Variants in SNX6 observed in about 807,000 individuals in gnomAD.
SNX6 encodes sorting nexin 6, also known as sorting nexin-6.
SNX6 carries 34 observed loss-of-function variants against 63.0 expected under a neutral mutation model. That is an observed-to-expected ratio of 0.54 (90% CI 0.41 to 0.72). SNX6 has a LOEUF of 0.72. SNX6 is among the 30% of genes least tolerant of loss of function. The pLI, the probability that SNX6 is intolerant of heterozygous loss-of-function variation, is 0.00. For missense variants in SNX6, 398 were observed against 471.4 expected (o/e 0.84, Z 1.44); for synonymous variants, 170 against 164.2 (o/e 1.04, Z -0.27).
chr14:34,567,202 AC>A lies in SNX6; in HGVS notation c.1167+483del, dbSNP rs1298412724. Among the ~76,000 whole-genome samples the A allele has an allele frequency of 6.0e-5, 9 of 150,622 alleles. No homozygotes were observed. In the East Asian group the frequency reaches 1.8e-3, roughly 30 times the overall value. ...ACAAAACAAAACAAAAAAGCCCCAG[AC>A]TAGCCGGGTACGGTGGCTCGTGTCT... On this transcript the variant is annotated intron_variant, in intron 13 of 13. Transcript: ENST00000362031.
intron 2 of SNX6, among the ~76,000 whole-genome samples, chr14:34,628,405 G>A (rs1458016256): frequency 6.6e-6 from 1 of 152,200 alleles, no homozygotes; most frequent in African/African-American, 2.4e-5. Flanking sequence ...CTTGCAGTGA[G>A]CCAAGATAGC....
Position 34,603,422 on chromosome 14 carries a change from G to C in SNX6, c.442C>G (p.Leu148Val). 2 of 1,608,178 alleles carry C rather than the reference G, an allele frequency of 1.2e-6. No individual in the cohort carries two copies. Among genetic ancestry groups the C allele is most frequent in the Non-Finnish European group, 1.7e-6 (2 of 1,176,918 alleles). The change falls in exon 6 of 14, where the codon CTG (leucine) becomes GTG (valine). Residue 148 changes from leucine (L) to valine (V), a missense_variant. Coordinates refer to ENST00000362031, the MANE Select transcript of SNX6 (RefSeq NM_152233.4). Reference sequence around the variant, plus strand: ...ATAGGATGTGCTGCCACACGACACAGGAACACTTCATGCATCGCAACTGTC... The same window carrying C: ...ATAGGATGTGCTGCCACACGACACACGAACACTTCATGCATCGCAACTGTC... ...KKTVAMHEVF[L>V]CRVAAHPILR...
chr14:34,592,889 G>C (rs575590832), intron 8 of SNX6, among the ~76,000 whole-genome samples, 156 bp downstream of exon 8: 3 of 152,244 alleles, frequency 2.0e-5, no homozygotes, highest in Middle Eastern at 3.4e-3. Context: ...AAATAGTTTT[G>C]ACCTCACAGG....
At chr14:34,624,254 T>C (rs1172043263) in intron 2 of SNX6, among the ~76,000 whole-genome samples, 2 of 151,978 alleles carry the variant, frequency 1.3e-5, no homozygotes, top group East Asian at 1.9e-4. Flanking sequence ...GCACCAGCCA[T>C]CACGCCCGGC....
At chr14:34,601,325 A>C (rs1459952891) in intron 6 of SNX6, among the ~76,000 whole-genome samples, 1 of 150,904 alleles carries the variant, frequency 6.6e-6, no homozygotes, top group Non-Finnish European at 1.5e-5. Flanking sequence ...TCCCGGGGTC[A>C]AGCGATTCTC....
intron 9 of SNX6, among the ~76,000 whole-genome samples, chr14:34,583,759 T>G (rs77284535): frequency 0.097 from 14,716 of 152,202 alleles, 1,057 homozygotes; most frequent in African/African-American, 0.21. Flanking sequence ...TCAAAAGAAC[T>G]TGCTTTGACA....
At chr14:34,626,133 G>T (rs1883815975) in intron 2 of SNX6, among the ~76,000 whole-genome samples, 1 of 152,098 alleles carries the variant, frequency 6.6e-6, no homozygotes, top group Non-Finnish European at 1.5e-5. Context: ...CAATGATTAT[G>T]CTGTGCCCAC....
Position 34,603,336 on chromosome 14 carries a change from T to C in SNX6, c.516+12A>G, listed in dbSNP as rs1882897945. On this transcript the variant is annotated intron_variant, in intron 6 of 13. Coordinates refer to ENST00000362031, the MANE Select transcript of SNX6 (RefSeq NM_152233.4). ...AAAAGAAAACTTGACCACCAATCAA[T>C]GTGATACTCACATCTTGATTATATT... 1 of 1,583,498 alleles carries C rather than the reference T, an allele frequency of 6.3e-7. No individual in the cohort carries two copies. The highest frequency in any genetic ancestry group is 2.2e-5 in the East Asian group (1 of 44,600).
At chr14:34,583,802 CT>C (rs1882040457) in intron 9 of SNX6, among the ~76,000 whole-genome samples, 1 of 149,718 alleles carries the variant, frequency 6.7e-6, no homozygotes, top group East Asian at 2.0e-4. Context: ...GCAAGGTTGA[CT>C]TTTTTCCTTC....
intron 2 of SNX6, among the ~76,000 whole-genome samples, chr14:34,618,149 T>C (rs553126523): frequency 3.3e-5 from 5 of 152,274 alleles, no homozygotes; most frequent in African/African-American, 9.6e-5. Flanking sequence ...ACTTCAGCCC[T>C]TGCCCCTCAT....
Position 34,627,415 on chromosome 14 carries a change from C to A in SNX6, c.54+2492G>T, listed in dbSNP as rs1044854213. Among the ~76,000 whole-genome samples the A allele has an allele frequency of 1.7e-4, 26 of 151,410 alleles. 1 individual carries two copies. The highest frequency in any genetic ancestry group is 6.3e-4 in the African/African-American group (26 of 41,072). ...TGAGCCAAGATAGCACCACTGCAGT[C>A]GGGCCTTCGGCCTGGGCGAAAGAGC... On this transcript the variant is annotated intron_variant, in intron 2 of 13. Coordinates refer to ENST00000362031, the MANE Select transcript of SNX6 (RefSeq NM_152233.4).
intron 2 of SNX6, among the ~76,000 whole-genome samples, chr14:34,621,666 A>G (rs1883624335): frequency 6.6e-6 from 1 of 152,110 alleles, no homozygotes; most frequent in African/African-American, 2.4e-5. Flanking sequence ...CCTAACCTCT[A>G]ACCCTGTTCT....
At chr14:34,563,775 G>A (rs1447949858) in intron 13 of SNX6, among the ~76,000 whole-genome samples, 4 of 149,476 alleles carry the variant, frequency 2.7e-5, no homozygotes, top group South Asian at 2.1e-4. Context: ...GTATCACTCT[G>A]TTGCCCAGAC....
chr14:34,620,939 C>CA (rs909788569), intron 2 of SNX6, among the ~76,000 whole-genome samples: 21 of 147,312 alleles, frequency 1.4e-4, no homozygotes, highest in Middle Eastern at 3.5e-3. Flanking sequence ...GAGACTCCCT[C>CA]AAAAAAAAAA....
intron 9 of SNX6, among the ~76,000 whole-genome samples, chr14:34,583,528 G>C (rs1202370338): frequency 1.3e-5 from 2 of 151,128 alleles, no homozygotes; most frequent in African/African-American, 4.9e-5. Context: ...GAAGCAAGAG[G>C]ATTGCTTGAG....
chr14:34,609,617 A>G, intron 3 of SNX6, 21 bp downstream of exon 3: 1 of 1,505,364 alleles, frequency 6.6e-7, no homozygotes, highest in Non-Finnish European at 9.2e-7. Context: ...AAAATAATAG[A>G]AAGTACAAAA....
intron 2 of SNX6, 61 bp downstream of exon 2, chr14:34,629,846 G>C (rs1883972280): frequency 6.5e-7 from 1 of 1,547,706 alleles, no homozygotes; most frequent in African/African-American, 1.4e-5. Context: ...ACCACACCCG[G>C]GGACCCAGGA....
chr14:34,591,316 T>G (rs1023887468), intron 8 of SNX6, among the ~76,000 whole-genome samples: 2 of 152,204 alleles, frequency 1.3e-5, no homozygotes, highest in African/African-American at 4.8e-5. Context: ...CTTGGCCGTT[T>G]AGAAAACATT....
Position 34,605,697 on chromosome 14 carries a change from T to C in SNX6, c.291A>G (p.Arg97=), listed in dbSNP as rs1414205599. Residue 97 remains arginine (R), a synonymous_variant, in exon 5 of 14, where the codon AGA becomes AGG. Transcript: ENST00000362031. The part of the protein sequence containing the change: ...AGYIIPPAPP[R]PDFDASREKL... ...TTTCCCTTGAAGCATCAAAATCAGG[T>C]CTTGGTGGTGCTGGTGGAATCTGTA... The C allele has an allele frequency of 1.9e-6, 3 of 1,608,002 alleles. No individual in the cohort carries two copies. Among genetic ancestry groups the C allele is most frequent in the African/African-American group, 1.3e-5 (1 of 74,380 alleles).
Sources: allele counts gnomAD v4.1 joint callset (sites outside exome capture counted in the v4.1 genomes callset), GRCh38; gene constraint gnomAD v4.1.1; transcripts MANE v1.5; gene names NCBI Gene and HGNC (gene_info 2026-07-23, HGNC 2026-07-21).